SIKE1: variants seen among roughly 807,000 people sequenced by gnomAD.
The protein encoded by SIKE1 is suppressor of IKBKE 1.
SIKE1 carries 13 observed loss-of-function variants against 25.8 expected under a neutral mutation model. The ratio of observed to expected loss-of-function variants is 0.50; its 90% CI spans 0.33 to 0.80. The LOEUF (loss-of-function observed/expected upper bound fraction) is 0.80, where lower values mean the gene tolerates loss of function less well. SIKE1 is among the 30% of genes least tolerant of loss of function. SIKE1 has a pLI of 0.02. For synonymous variants in SIKE1, 86 were observed against 95.5 expected (o/e 0.90, Z 0.58); for missense variants, 222 against 252.4 (o/e 0.88, Z 0.82).
At chr1:114,777,167 G>A (rs1180316221) in intron 3 of SIKE1, among the ~76,000 whole-genome samples, 1 of 152,036 alleles carries the variant, frequency 6.6e-6, no homozygotes, top group Non-Finnish European at 1.5e-5. Context: ...GAGTTAATGG[G>A]TGCAGCACAC....
rs1662055337 is a variant in SIKE1, at chr1:114,771,085, GC to G, written c.*3185del. 1 of 152,164 alleles carries G rather than the reference GC, an allele frequency of 6.6e-6. No homozygotes were observed. The highest frequency in any genetic ancestry group is 2.4e-5 in the African/African-American group (1 of 41,426). 9.4% of individuals were successfully genotyped at this position (152,164 alleles called of 1,614,324 possible). On this transcript the variant is annotated 3_prime_UTR_variant, in exon 5 of 5. Coordinates refer to ENST00000060969, the MANE Select transcript of SIKE1 (RefSeq NM_025073.3). ...CAACATGGCCATGACATTTGGCTTGGCAACAACTTTCTAGCAAACACAAGAA... is the reference window on the plus strand; with the variant it reads ...CAACATGGCCATGACATTTGGCTTGGAACAACTTTCTAGCAAACACAAGAA...
Position 114,780,114 on chromosome 1 carries a change from G to C in SIKE1, c.261C>G (p.Asn87Lys). The C allele has an allele frequency of 6.2e-7, 1 of 1,610,722 alleles. No individual in the cohort carries two copies. The highest frequency in any genetic ancestry group is 8.5e-7 in the Non-Finnish European group (1 of 1,178,132). ...NTQIRDLQQE[N>K]RELWISLEEH... ...ATATGAAAAGGCCTGACTAACCTCT[G>C]TTTTCCTGTTGCAAGTCTCTAATCT... Residue 87 changes from asparagine to lysine, a missense_variant, in exon 2 of 5, where the codon AAC becomes AAG. Physicochemically the swap from Asn to Lys is moderately conservative, Grantham distance 94. Coordinates refer to ENST00000060969, the MANE Select transcript of SIKE1 (RefSeq NM_025073.3).
rs1426424230 is a variant in SIKE1, at chr1:114,780,435, A to G, written c.159+14T>C. The stretch of plus-strand genomic sequence containing the variant: ...CAGAATCCGAGAGCACTGGACTCCT[A>G]CCCTCTGCCTGACCTGGTCCGGAAG... On this transcript the variant is annotated intron_variant, in intron 1 of 4. Coordinates refer to ENST00000060969, the MANE Select transcript of SIKE1 (RefSeq NM_025073.3). 4 of 1,609,210 alleles carry G rather than the reference A, an allele frequency of 2.5e-6. No individual in the cohort carries two copies. The highest frequency in any genetic ancestry group is 2.4e-5 in the East Asian group (1 of 42,196).
chr1:114,779,006 G>A (rs1287214359), intron 3 of SIKE1, 136 bp downstream of exon 3: 15 of 1,038,246 alleles, frequency 1.4e-5, no homozygotes, highest in South Asian at 4.5e-5. Context: ...GCAGTGAGCC[G>A]AGATCGTGCC....
rs1035006341 is a variant in SIKE1, at chr1:114,770,136, C to G, written c.*4135G>C. 1 of 152,206 alleles carries G rather than the reference C, an allele frequency of 6.6e-6. No homozygotes were observed. Among genetic ancestry groups the G allele is most frequent in the Non-Finnish European group, 1.5e-5 (1 of 68,044 alleles). 9.4% of individuals were successfully genotyped at this position (152,206 alleles called of 1,614,324 possible). A position where few individuals can be genotyped will look rare whatever the true frequency, so the allele number is the denominator to read the frequency against. ...GTTACAGGCCAGGCACAGTGGCTCA[C>G]GCCTATAATCCCAGCACTTTGGGAG... On this transcript the variant is annotated 3_prime_UTR_variant, in exon 5 of 5. Coordinates refer to ENST00000060969, the MANE Select transcript of SIKE1 (RefSeq NM_025073.3).
rs1343542299 is a variant in SIKE1 at position 114,780,536 on chromosome 1, C to T, written c.72G>A (p.Ala24=). ...TLLERLREHD[A]AAESLVDQSA... The stretch of plus-strand genomic sequence containing the variant: ...ACTGATCCACCAGCGACTCGGCGGC[C>T]GCATCGTGCTCCCGTAGCCTCTCCA... The change falls in exon 1 of 5, where the codon GCG becomes GCA. Residue 24 remains alanine, a synonymous_variant. Coordinates refer to ENST00000060969, the MANE Select transcript of SIKE1 (RefSeq NM_025073.3). 1 of 1,613,434 alleles carries T rather than the reference C, an allele frequency of 6.2e-7. No homozygotes were observed. Among genetic ancestry groups the T allele is most frequent in the South Asian group, 1.1e-5 (1 of 91,072 alleles).
At chr1:114,774,475 T>A (rs2101127675) in intron 4 of SIKE1, 103 bp from the exon 5 acceptor site, 2 of 774,042 alleles carry the variant, frequency 2.6e-6, no homozygotes, top group South Asian at 2.2e-5. Flanking sequence ...ATTTTAATTT[T>A]AAAAAATTTA....
rs1300581130 is a variant in SIKE1 at position 114,771,318 on chromosome 1, G to A, written c.*2953C>T. On this transcript the variant is annotated 3_prime_UTR_variant, in exon 5 of 5. Coordinates refer to ENST00000060969, the MANE Select transcript of SIKE1 (RefSeq NM_025073.3). ...AATTCATAATACTTTATAAGCTGTG[G>A]TGTTTCTTTTGCACTAATAAAAATA... 2 of 152,238 alleles carry A rather than the reference G, an allele frequency of 1.3e-5. No homozygotes were observed. The highest frequency in any genetic ancestry group is 2.1e-4 in the South Asian group (1 of 4,826). 9.4% of individuals were successfully genotyped at this position (152,238 alleles called of 1,614,324 possible). A position where few individuals can be genotyped will look rare whatever the true frequency, so the allele number is the denominator to read the frequency against.
chr1:114,777,597 G>A (rs1013905191), intron 3 of SIKE1, among the ~76,000 whole-genome samples: 4 of 152,144 alleles, frequency 2.6e-5, no homozygotes, highest in African/African-American at 9.7e-5. Context: ...TAATTGCAGA[G>A]AATAAATGAG....
rs768686932 is a variant in SIKE1, at chr1:114,780,406, T to C, written c.159+43A>G. The C allele has an allele frequency of 2.5e-6, 4 of 1,612,904 alleles. No individual in the cohort carries two copies. In the South Asian group the frequency reaches 3.3e-5, roughly 13 times the overall value. Reference sequence around the variant, plus strand: ...CTTTACCTCGCTCTCCACCCTTCAGTGCCCAGAATCCGAGAGCACTGGACT... The same window carrying C: ...CTTTACCTCGCTCTCCACCCTTCAGCGCCCAGAATCCGAGAGCACTGGACT... On this transcript the variant is annotated intron_variant, in intron 1 of 4. Coordinates refer to ENST00000060969, the MANE Select transcript of SIKE1 (RefSeq NM_025073.3).
At position 114,773,567 on chromosome 1, in the gene SIKE1, T is replaced by C. The variant is rs556498475; in HGVS notation, c.*704A>G. ...TTTGAACTAAGTGCACATGTGTGCATTCACATACACAGGACAAGCTCCTCA... is the reference window on the plus strand; with the variant it reads ...TTTGAACTAAGTGCACATGTGTGCACTCACATACACAGGACAAGCTCCTCA... On this transcript the variant is annotated 3_prime_UTR_variant, in exon 5 of 5. Coordinates refer to ENST00000060969, the MANE Select transcript of SIKE1 (RefSeq NM_025073.3). 6.5e-6 allele frequency: 1 copy of C among 152,712 alleles called. No homozygotes were observed. The highest frequency in any genetic ancestry group is 1.9e-4 in the East Asian group (1 of 5,194). 9.5% of individuals were successfully genotyped at this position (152,712 alleles called of 1,614,324 possible). A position where few individuals can be genotyped will look rare whatever the true frequency, so the allele number is the denominator to read the frequency against.
chr1:114,776,286 A>G (rs1054872473), intron 4 of SIKE1, 60 bp downstream of exon 4: 6 of 1,002,448 alleles, frequency 6.0e-6, no homozygotes, highest in Admixed American at 5.2e-5. Context: ...TAGTGATGGC[A>G]TATCTTCCAG....
At chr1:114,780,238 A>G in intron 1 of SIKE1, 23 bp from the exon 2 acceptor site, 1 of 1,588,652 alleles carries the variant, frequency 6.3e-7, no homozygotes, top group Non-Finnish European at 8.6e-7. Context: ...AGACAGACTA[A>G]GCATGCCTTA....
chr1:114,773,725 G>C lies in SIKE1; in HGVS notation c.*546C>G, dbSNP rs1186841950. On this transcript the variant is annotated 3_prime_UTR_variant, in exon 5 of 5. Coordinates refer to ENST00000060969, the MANE Select transcript of SIKE1 (RefSeq NM_025073.3). ...TCTCAAATTAAAAGTAAAGGCACCA[G>C]GCTATAAAGTGCCAATTCTTAGCAC... The C allele has an allele frequency of 2.6e-5, 4 of 152,526 alleles. No homozygotes were observed. Among genetic ancestry groups the C allele is most frequent in the African/African-American group, 9.7e-5 (4 of 41,434 alleles). The allele number at this position is 152,526 out of a possible 1,614,324, so 9.4% of individuals were successfully genotyped here.
intron 1 of SIKE1, 92 bp from the exon 2 acceptor site, chr1:114,780,307 C>T: frequency 6.4e-7 from 1 of 1,564,662 alleles, no homozygotes; most frequent in South Asian, 1.1e-5. Flanking sequence ...GGGCAGGATT[C>T]TCAGCCCCGA....
chr1:114,775,831 C>T (rs542982252), intron 4 of SIKE1, among the ~76,000 whole-genome samples: 2 of 152,178 alleles, frequency 1.3e-5, no homozygotes, highest in Admixed American at 1.3e-4. Flanking sequence ...TTTTTTGTAA[C>T]ATATTCCTAT....
rs1308511495 is a variant in SIKE1, at chr1:114,769,523, TAAC to T, written c.*4745_*4747del. On this transcript the variant is annotated 3_prime_UTR_variant, in exon 5 of 5. Coordinates refer to ENST00000060969, the MANE Select transcript of SIKE1 (RefSeq NM_025073.3). ...ATTTATTATATATGTATGTATTCCT[TAAC>T]AATATGTTGTATAACCCAACAATGA... 12 of 152,272 alleles carry T rather than the reference TAAC, an allele frequency of 7.9e-5. No homozygotes were observed. Among genetic ancestry groups the T allele is most frequent in the Admixed American group, 5.9e-4 (9 of 15,296 alleles). 9.4% of individuals were successfully genotyped at this position (152,272 alleles called of 1,614,324 possible).
Position 114,776,432 on chromosome 1 carries a change from A to G in SIKE1, c.436T>C (p.Cys146Arg), listed in dbSNP as rs1662240248. The G allele has an allele frequency of 6.2e-7, 1 of 1,613,090 alleles. No individual in the cohort carries two copies. ...AEIESQIDRI[C>R]EMGEVMRKAV... Reference sequence around the variant, plus strand: ...TTCCTCATCACTTCTCCCATTTCACAGATTCTGTCAATCTGACTCTCAATT... The same window carrying G: ...TTCCTCATCACTTCTCCCATTTCACGGATTCTGTCAATCTGACTCTCAATT... The change falls in exon 4 of 5, where the codon TGT becomes CGT. Residue 146 changes from cysteine (C) to arginine (R), a missense_variant. Transcript: ENST00000060969.
intron 4 of SIKE1, among the ~76,000 whole-genome samples, chr1:114,775,764 C>T (rs1185023544): frequency 6.6e-6 from 1 of 152,156 alleles, no homozygotes; most frequent in East Asian, 1.9e-4. Flanking sequence ...ACCTCAGCCT[C>T]TCAAAGTTGA....
Sources: allele counts gnomAD v4.1 joint callset (sites outside exome capture counted in the v4.1 genomes callset), GRCh38; gene constraint gnomAD v4.1.1; transcripts MANE v1.5; gene names NCBI Gene and HGNC (gene_info 2026-07-23, HGNC 2026-07-21).